The following DNMT3B variants were observed in gnomAD, a reference collection of about 807,000 sequenced individuals.
The protein encoded by DNMT3B is DNA methyltransferase 3 beta.
In DNMT3B, 37 loss-of-function variants were observed where a neutral mutation model predicts 120.2. The observed-to-expected ratio is 0.31, with a 90% CI of 0.24 to 0.40. The LOEUF (loss-of-function observed/expected upper bound fraction) is 0.40, where lower values mean the gene tolerates loss of function less well. Ranked by LOEUF, DNMT3B falls within the 10% of genes least tolerant of loss-of-function variation. The probability of loss-of-function intolerance (pLI) is 1.00; values close to 1 mark genes in which losing one functional copy is unlikely to be tolerated. For synonymous variants in DNMT3B, 412 were observed against 442.8 expected (o/e 0.93, Z 0.87); for missense variants, 878 against 1,137.3 (o/e 0.77, Z 3.28).
Position 32,765,215 on chromosome 20 carries a change from A to T in DNMT3B, c.-7+2516A>T, listed in dbSNP as rs1164763746. On this transcript the variant is annotated intron_variant, in intron 1 of 22. Transcript: ENST00000328111. ...ATCATGAATTTTCAGGATGATTTCCAGTTTCACGGAGGACCAGGGCTGGTG... is the reference window on the plus strand; with the variant it reads ...ATCATGAATTTTCAGGATGATTTCCTGTTTCACGGAGGACCAGGGCTGGTG... Among the ~76,000 whole-genome samples, 8 of 152,236 alleles carry T rather than the reference A, an allele frequency of 5.3e-5. No individual in the cohort carries two copies. The East Asian group carries it at 5.8e-4, about 11-fold the overall frequency.
intron 7 of DNMT3B, 54 bp from the exon 8 acceptor site, chr20:32,791,547 A>C: frequency 6.4e-7 from 1 of 1,562,156 alleles, no homozygotes; most frequent in Non-Finnish European, 8.8e-7. Context: ...TGTGATAGAC[A>C]TGGCACCTGG....
intron 1 of DNMT3B, chr20:32,779,816 A>AG: frequency 2.8e-6 from 1 of 357,154 alleles, no homozygotes; most frequent in Non-Finnish European, 4.7e-6. Context: ...GTGGGGGAGG[A>AG]GGGGGTGGGT....
chr20:32,785,046 T>TC (rs1385897398), intron 4 of DNMT3B, among the ~76,000 whole-genome samples, 187 bp downstream of exon 4: 1 of 151,718 alleles, frequency 6.6e-6, no homozygotes, highest in Non-Finnish European at 1.5e-5. Context: ...TTTTTCTTTT[T>TC]TTTTTTCTGA....
intron 21 of DNMT3B, 89 bp from the exon 22 acceptor site, chr20:32,806,120 C>A (rs892242976): frequency 2.5e-6 from 3 of 1,212,318 alleles, no homozygotes; most frequent in Non-Finnish European, 3.7e-6. Flanking sequence ...CCTGCGCTCT[C>A]CCCTCCATCT....
intron 7 of DNMT3B, 131 bp downstream of exon 7, chr20:32,789,143 G>GTTTTGTCCTTCCTCCCA: frequency 7.4e-7 from 1 of 1,360,118 alleles, no homozygotes; most frequent in Non-Finnish European, 9.9e-7. Flanking sequence ...CTGGGAGGAA[G>GTTTTGTCCTTCCTCCCA]GACAAAACTT....
At chr20:32,783,639 G>C (rs148117279) in intron 3 of DNMT3B, among the ~76,000 whole-genome samples, 254 of 152,082 alleles carry the variant, frequency 1.7e-3, no homozygotes, top group African/African-American at 5.6e-3. Flanking sequence ...GCAGCTGCAG[G>C]ATCAGAGGCT....
In DNMT3B at chr20:32,787,331, T is replaced by C; in HGVS notation, c.534T>C (p.His178=). ...TCACAGACGACACAGAGGACACACA[T>C]GGGACGCCCCAGAGCAGCAGTACCC... is the stretch of plus-strand genomic sequence containing the variant. ...IDLTDDTEDT[H]GTPQSSSTPY... Residue 178 remains histidine, a synonymous_variant, in exon 6 of 23, where the codon CAT becomes CAC. Coordinates refer to ENST00000328111, the MANE Select transcript of DNMT3B (RefSeq NM_006892.4). 1.2e-6 allele frequency: 2 copies of C among 1,614,226 alleles called. No individual in the cohort carries two copies.
At chr20:32,774,675 G>A (rs893131616) in intron 1 of DNMT3B, among the ~76,000 whole-genome samples, 6 of 151,570 alleles carry the variant, frequency 4.0e-5, no homozygotes, top group East Asian at 3.9e-4. Flanking sequence ...CCATCCTCCC[G>A]TCTTTTTGGG....
rs1287035790 is a variant in DNMT3B, at chr20:32,798,558, A to G, written c.1589A>G (p.Gln530Arg). 1.2e-6 allele frequency: 2 copies of G among 1,614,222 alleles called. No homozygotes were observed. The highest frequency in any genetic ancestry group is 1.7e-6 in the Non-Finnish European group (2 of 1,180,036). Residue 530 changes from glutamine (Q) to arginine (R), a missense_variant, in exon 15 of 23, where the codon CAG becomes CGG. Gln to Arg is a conservative substitution (Grantham distance 43, BLOSUM62 1). This residue lies in a region of DNMT3B where 334 missense variants were observed against 518.8 expected (regional missense o/e 0.64). Transcript: ENST00000328111. ...EPWSCYMCLP[Q>R]RCHGVLRRRK... ...TGGAGCTGTTACATGTGTCTCCCGC[A>G]GCGCTGTCATGGCGTCCTGCGGCGC... is the stretch of plus-strand genomic sequence containing the variant.
In DNMT3B at chr20:32,790,676, CT is replaced by C. The variant is rs1203249576; in HGVS notation, c.814-914del. Among the ~76,000 whole-genome samples the C allele has an allele frequency of 8.3e-4, 122 of 147,334 alleles. 1 individual carries two copies. The highest frequency in any genetic ancestry group is 2.4e-3 in the South Asian group (11 of 4,616). ...GAACATTCCCTGTGTCTTTCAGTTC[CT>C]TTTTTTTTTTAAGAGATGAGGTCCT... On this transcript the variant is annotated intron_variant, in intron 7 of 22. Transcript: ENST00000328111.
intron 2 of DNMT3B, among the ~76,000 whole-genome samples, chr20:32,781,116 T>C (rs911939476): frequency 6.6e-6 from 1 of 152,226 alleles, no homozygotes; most frequent in Non-Finnish European, 1.5e-5. Context: ...CTCCCCTTGG[T>C]AACTTCAGTG....
At chr20:32,772,514 G>A (rs2045218052) in intron 1 of DNMT3B, among the ~76,000 whole-genome samples, 1 of 152,150 alleles carries the variant, frequency 6.6e-6, no homozygotes. Context: ...CCAAGGGGTA[G>A]GTGGCCACAG....
intron 10 of DNMT3B, 99 bp downstream of exon 10, chr20:32,793,694 T>G: frequency 7.2e-7 from 1 of 1,391,622 alleles, no homozygotes; most frequent in East Asian, 2.4e-5. Context: ...TCAAATTTCT[T>G]GAAAAGTCAA....
At chr20:32,801,569 T>G (rs990373887) in intron 19 of DNMT3B, 143 bp downstream of exon 19, 110 of 1,123,060 alleles carry the variant, frequency 9.8e-5, no homozygotes, top group Non-Finnish European at 9.2e-6. Context: ...AGGGATTCAG[T>G]GGGTTCTCTT....
intron 20 of DNMT3B, among the ~76,000 whole-genome samples, chr20:32,804,060 TG>T (rs2146074273): frequency 6.6e-6 from 1 of 152,294 alleles, no homozygotes; most frequent in South Asian, 2.1e-4. Context: ...CCCTGGGGTT[TG>T]CAGCACAGCA....
chr20:32,799,836 AG>A (rs1351512389), intron 16 of DNMT3B, among the ~76,000 whole-genome samples: 1 of 152,262 alleles, frequency 6.6e-6, no homozygotes, highest in Admixed American at 6.5e-5. Flanking sequence ...TCATTTTAAA[AG>A]GACATACATC....
intron 1 of DNMT3B, among the ~76,000 whole-genome samples, chr20:32,765,634 C>T (rs1987290500): frequency 1.3e-5 from 2 of 150,128 alleles, no homozygotes; most frequent in Non-Finnish European, 3.0e-5. Flanking sequence ...TTGGCAAGGC[C>T]GGTCTCAAAC....
chr20:32,796,066 G>A (rs1980585410), intron 12 of DNMT3B, among the ~76,000 whole-genome samples: 1 of 152,114 alleles, frequency 6.6e-6, no homozygotes, highest in South Asian at 2.1e-4. Flanking sequence ...CCCTGGCTGG[G>A]GATTGCCACT....
chr20:32,773,697 C>G (rs188252874), intron 1 of DNMT3B, among the ~76,000 whole-genome samples: 2 of 151,044 alleles, frequency 1.3e-5, no homozygotes, highest in African/African-American at 4.9e-5. Flanking sequence ...ACTGCAGCCT[C>G]AACTTCCGAG....
Sources: gnomAD v4.1 joint callset for allele counts (sites outside exome capture counted in the v4.1 genomes callset) on GRCh38, gnomAD v4.1.1 for gene constraint, gnomAD v4.1.1 regional missense constraint, MANE v1.5 for transcripts, NCBI Gene and HGNC (gene_info 2026-07-23, HGNC 2026-07-21) for gene names.